KANSL1L: variants seen among roughly 807,000 people sequenced by gnomAD.
KANSL1L encodes the protein KAT8 regulatory NSL complex subunit 1 like, also known as KAT8 regulatory NSL complex subunit 1-like protein.
In KANSL1L, 25 loss-of-function variants were observed where a neutral mutation model predicts 108.6. That is an observed-to-expected ratio of 0.23 (90% CI 0.17 to 0.32). KANSL1L has a LOEUF of 0.32. KANSL1L is among the 10% of genes least tolerant of loss of function. KANSL1L has a pLI of 1.00. For missense variants in KANSL1L, 1,137 were observed against 1,125.7 expected (o/e 1.01, Z -0.14); for synonymous variants, 405 against 395.1 (o/e 1.03, Z -0.30).
chr2:210,137,669 C>A (rs553668182), intron 2 of KANSL1L, among the ~76,000 whole-genome samples: 9 of 152,186 alleles, frequency 5.9e-5, no homozygotes, highest in Non-Finnish European at 1.3e-4. Flanking sequence ...GCTAAAGATG[C>A]CATAAAATTT....
chr2:210,109,140 C>A (rs992954064), intron 3 of KANSL1L, among the ~76,000 whole-genome samples: 1 of 152,084 alleles, frequency 6.6e-6, no homozygotes, highest in Non-Finnish European at 1.5e-5. Context: ...TAAGTATTCT[C>A]TCTATGGCCC....
At chr2:210,027,435 T>G in intron 11 of KANSL1L, 85 bp from the exon 12 acceptor site, 1 of 850,728 alleles carries the variant, frequency 1.2e-6, no homozygotes, top group Non-Finnish European at 2.0e-6. Flanking sequence ...AATGTATTAG[T>G]GTTTCCTTGG....
At chr2:210,139,529 C>A (rs1209612940) in intron 2 of KANSL1L, among the ~76,000 whole-genome samples, 1 of 152,116 alleles carries the variant, frequency 6.6e-6, no homozygotes, top group Admixed American at 6.5e-5. Context: ...CCACAGTGTA[C>A]AAGAGTTTCC....
At chr2:210,145,371 G>A (rs2095258134) in intron 2 of KANSL1L, among the ~76,000 whole-genome samples, 1 of 152,166 alleles carries the variant, frequency 6.6e-6, no homozygotes, top group Non-Finnish European at 1.5e-5. Flanking sequence ...CCAGGGTCTA[G>A]GGCTGAGGTG....
intron 6 of KANSL1L, among the ~76,000 whole-genome samples, chr2:210,060,240 C>T (rs776497306): frequency 7.9e-5 from 12 of 152,088 alleles, no homozygotes; most frequent in Non-Finnish European, 1.3e-4. Context: ...TTTATTAAAC[C>T]ACTCAGCATT....
chr2:210,111,079 T>C (rs892758758), intron 3 of KANSL1L, among the ~76,000 whole-genome samples: 7 of 151,544 alleles, frequency 4.6e-5, no homozygotes, highest in African/African-American at 1.7e-4. Flanking sequence ...GCCACTGCAC[T>C]CCAGCCTGGC....
At position 210,029,826 on chromosome 2, in the gene KANSL1L, A is replaced by C; in HGVS notation, c.2248T>G (p.Ser750Ala). The C allele has an allele frequency of 2.5e-6, 4 of 1,595,084 alleles. No individual in the cohort carries two copies. Among genetic ancestry groups the C allele is most frequent in the Non-Finnish European group, 3.4e-6 (4 of 1,164,378 alleles). The part of the protein sequence containing the change: ...FTAVSNVNVL[S>A]RIQNSSRNTA... ...ACTCGTGATGAATTCTGGATTCTTGATAAAACGTTGACATTGGAAACAGCA... is the reference window on the plus strand; with the variant it reads ...ACTCGTGATGAATTCTGGATTCTTGCTAAAACGTTGACATTGGAAACAGCA... Residue 750 changes from serine (S) to alanine (A), a missense_variant, in exon 10 of 15, where the codon TCA becomes GCA. Around this residue, in one of 3 missense-constraint regions of KANSL1L, gnomAD observed 575 missense variants for 567.1 expected, o/e 1.01. Transcript: ENST00000281772.
chr2:210,144,600 T>C (rs766800539), intron 2 of KANSL1L, among the ~76,000 whole-genome samples: 18 of 152,210 alleles, frequency 1.2e-4, no homozygotes, highest in African/African-American at 4.3e-4. Flanking sequence ...ATGCTCTCTA[T>C]TGCCATTTTT....
At chr2:210,023,259 C>T (rs1279602718) in intron 14 of KANSL1L, 80 bp from the exon 15 acceptor site, 1 of 928,292 alleles carries the variant, frequency 1.1e-6, no homozygotes, top group Non-Finnish European at 1.7e-6. Flanking sequence ...CTGTACATGT[C>T]TATATTGTAA....
chr2:210,139,929 G>C (rs1400247333), intron 2 of KANSL1L, among the ~76,000 whole-genome samples: 3 of 151,892 alleles, frequency 2.0e-5, no homozygotes, highest in South Asian at 2.1e-4. Flanking sequence ...TTTTTGTAAA[G>C]ACAAGGTTTT....
chr2:210,025,256 A>G (rs1419819568), intron 12 of KANSL1L, 40 bp from the exon 13 acceptor site: 1 of 1,240,954 alleles, frequency 8.1e-7, no homozygotes, highest in Non-Finnish European at 1.2e-6. Flanking sequence ...AATCAGAAAC[A>G]TTTTGAAATA....
chr2:210,050,666 G>A (rs1478675325), intron 6 of KANSL1L, among the ~76,000 whole-genome samples: 3 of 149,416 alleles, frequency 2.0e-5, no homozygotes, highest in Admixed American at 6.6e-5. Flanking sequence ...GACCAGCCTG[G>A]GGCAACATAG....
intron 14 of KANSL1L, 93 bp from the exon 15 acceptor site, chr2:210,023,272 ATTG>A: frequency 1.2e-6 from 1 of 847,808 alleles, no homozygotes; most frequent in Non-Finnish European, 1.9e-6. Context: ...TATTGTAATA[ATTG>A]TTCTGTTCTT....
intron 5 of KANSL1L, among the ~76,000 whole-genome samples, chr2:210,087,750 C>T (rs2094651285): frequency 6.6e-6 from 1 of 152,132 alleles, no homozygotes; most frequent in Non-Finnish European, 1.5e-5. Flanking sequence ...AACAAAATAA[C>T]ATCACATTTG....
intron 8 of KANSL1L, among the ~76,000 whole-genome samples, chr2:210,036,579 T>C (rs2094106389): frequency 6.6e-6 from 1 of 152,194 alleles, no homozygotes; most frequent in Admixed American, 6.5e-5. Flanking sequence ...AATTCACCTT[T>C]GATTCTTCAG....
At chr2:210,170,305 AGTT>A in intron 1 of KANSL1L, 1 of 953,966 alleles carries the variant, frequency 1.0e-6, no homozygotes, top group South Asian at 4.8e-5. Context: ...AATGTCCTGA[AGTT>A]TGGGGAATCA....
At chr2:210,135,271 T>G (rs2095163671) in intron 2 of KANSL1L, among the ~76,000 whole-genome samples, 1 of 152,158 alleles carries the variant, frequency 6.6e-6, no homozygotes, top group Admixed American at 6.6e-5. Flanking sequence ...TGAATGTGAC[T>G]TTGGGTTATC....
chr2:210,143,677 CAT>C (rs2095245909), intron 2 of KANSL1L, among the ~76,000 whole-genome samples: 1 of 152,038 alleles, frequency 6.6e-6, no homozygotes, highest in Non-Finnish European at 1.5e-5. Flanking sequence ...AAGAACAATT[CAT>C]AGTTATTAGG....
At chr2:210,143,688 G>T (rs2095246019) in intron 2 of KANSL1L, among the ~76,000 whole-genome samples, 1 of 152,008 alleles carries the variant, frequency 6.6e-6, no homozygotes, top group Admixed American at 6.6e-5. Context: ...ATAGTTATTA[G>T]GAGTCTATTT....
Sources: gnomAD v4.1 joint callset for allele counts (sites outside exome capture counted in the v4.1 genomes callset) on GRCh38, gnomAD v4.1.1 for gene constraint, gnomAD v4.1.1 regional missense constraint, MANE v1.5 for transcripts, NCBI Gene and HGNC (gene_info 2026-07-23, HGNC 2026-07-21) for gene names.